Variants in GABRA3 observed in about 807,000 individuals in gnomAD.
GABRA3 encodes the protein gamma-aminobutyric acid type A receptor subunit alpha3.
A neutral mutation model predicts 30.1 loss-of-function variants in GABRA3; 10 were observed. The ratio of observed to expected loss-of-function variants is 0.33; its 90% CI spans 0.20 to 0.56. GABRA3 has a LOEUF of 0.56. Among genes scored for constraint, GABRA3 ranks in the 20% least tolerant of loss-of-function variants. GABRA3 has a pLI of 0.89. For synonymous variants in GABRA3, 151 were observed against 146.8 expected, an observed-to-expected ratio of 1.03 and a Z score of -0.21; for missense variants, 233 against 392.0, an observed-to-expected ratio of 0.59 and a Z score of 3.42.
chrX:152,421,120 C>T (rs1930361870), intron 1 of GABRA3, among the ~76,000 whole-genome samples: 1 of 109,304 alleles, frequency 9.1e-6, no homozygotes, highest in African/African-American at 3.3e-5. Context: ...CACACACACA[C>T]ACACACACAC....
At chrX:152,192,351 C>T (rs1321589450) in intron 8 of GABRA3, among the ~76,000 whole-genome samples, 1 of 111,783 alleles carries the variant, frequency 8.9e-6, no homozygotes. Context: ...TGTCCTCCCT[C>T]GTCTCCTTTG....
intron 4 of GABRA3, among the ~76,000 whole-genome samples, chrX:152,278,379 A>C (rs972238476): frequency 1.2e-4 from 13 of 108,671 alleles, no homozygotes; most frequent in South Asian, 8.3e-4. Flanking sequence ...TTGTCCTTGC[A>C]ATAGTTTGCT....
chrX:152,403,977 G>T (rs1186127515), intron 1 of GABRA3, among the ~76,000 whole-genome samples: 1 of 110,997 alleles, frequency 9.0e-6, no homozygotes, highest in Non-Finnish European at 1.9e-5. Context: ...TTGTGTTGGA[G>T]AACTCAAGCA....
chrX:152,199,892 A>G (rs754142499), intron 7 of GABRA3, among the ~76,000 whole-genome samples: 1 of 110,838 alleles, frequency 9.0e-6, no homozygotes, highest in South Asian at 3.9e-4. Flanking sequence ...CAACTCTTCC[A>G]GTTCTTTCTC....
At chrX:152,172,782 G>A (rs778773854) in intron 9 of GABRA3, among the ~76,000 whole-genome samples, 2 of 111,772 alleles carry the variant, frequency 1.8e-5, no homozygotes, top group Admixed American at 1.9e-4. Flanking sequence ...AATGGTGGGT[G>A]CTGGGGCTAG....
At chrX:152,185,552 T>C (rs1291929621) in intron 9 of GABRA3, among the ~76,000 whole-genome samples, 1 of 111,474 alleles carries the variant, frequency 9.0e-6, no homozygotes, top group Non-Finnish European at 1.9e-5. Context: ...TTATAAAACA[T>C]CATGGAAGCC....
intron 5 of GABRA3, among the ~76,000 whole-genome samples, chrX:152,236,653 C>A (rs1278333858): frequency 9.3e-6 from 1 of 107,933 alleles, no homozygotes; most frequent in Non-Finnish European, 1.9e-5. Context: ...TTGTCCAGCA[C>A]CTGTTGTTTC....
chrX:152,416,319 T>C (rs1262704052), intron 1 of GABRA3, among the ~76,000 whole-genome samples: 3 of 93,853 alleles, frequency 3.2e-5, no homozygotes, highest in Non-Finnish European at 4.3e-5. Context: ...TTACAAGGGA[T>C]GTGAAGGACC....
At chrX:152,367,315 G>A (rs956090789) in intron 1 of GABRA3, among the ~76,000 whole-genome samples, 1 of 111,601 alleles carries the variant, frequency 9.0e-6, no homozygotes, top group Non-Finnish European at 1.9e-5. Context: ...TGAAACAGGA[G>A]GAGACAACTC....
chrX:152,279,597 T>C (rs1480594238), intron 4 of GABRA3, among the ~76,000 whole-genome samples: 5 of 110,988 alleles, frequency 4.5e-5, no homozygotes, highest in Non-Finnish European at 7.6e-5. Context: ...AATGCGGGCT[T>C]TTTTTTGGTT....
chrX:152,362,482 A>G (rs1415887233), intron 2 of GABRA3, among the ~76,000 whole-genome samples: 1 of 111,609 alleles, frequency 9.0e-6, no homozygotes, highest in Non-Finnish European at 1.9e-5. Flanking sequence ...TTATAAAATC[A>G]TGTTAAAGAG....
intron 5 of GABRA3, among the ~76,000 whole-genome samples, chrX:152,246,060 C>T (rs1370660133): frequency 9.0e-6 from 1 of 111,481 alleles, no homozygotes; most frequent in Non-Finnish European, 1.9e-5. Context: ...AGACCGAGAC[C>T]CAGAGAAGAG....
rs1016782459 is a variant in GABRA3, at chrX:152,226,463, T to C, written c.552-1618A>G. On this transcript the variant is annotated intron_variant, in intron 5 of 9. Transcript: ENST00000370314. Reference sequence around the variant, plus strand: ...AACCTAGGTATTACCATTCAGGACATAGGCATGGGCAAGGACTTCATGTCT... The same window carrying C: ...AACCTAGGTATTACCATTCAGGACACAGGCATGGGCAAGGACTTCATGTCT... Among the ~76,000 whole-genome samples the C allele has an allele frequency of 2.7e-5, 3 of 111,519 alleles. No homozygotes were observed. In the Admixed American group the frequency reaches 2.9e-4, roughly 11 times the overall value.
intron 3 of GABRA3, among the ~76,000 whole-genome samples, chrX:152,302,168 A>T (rs944193303): frequency 2.7e-5 from 3 of 111,635 alleles, no homozygotes; most frequent in African/African-American, 9.8e-5. Context: ...AAAACAAATA[A>T]TAAGATGATG....
intron 1 of GABRA3, among the ~76,000 whole-genome samples, chrX:152,383,133 T>C: frequency 9.1e-6 from 1 of 109,387 alleles, no homozygotes; most frequent in African/African-American, 3.3e-5. Flanking sequence ...ACACCTGTAA[T>C]CCCAGCACTT....
At chrX:152,209,012 T>TCC (rs1937606956) in intron 6 of GABRA3, among the ~76,000 whole-genome samples, 1 of 112,016 alleles carries the variant, frequency 8.9e-6, no homozygotes, top group Non-Finnish European at 1.9e-5. Flanking sequence ...GTAGTACAAA[T>TCC]TCAATTAATT....
At chrX:152,182,727 G>C (rs956099822) in intron 9 of GABRA3, among the ~76,000 whole-genome samples, 6 of 4,241 alleles carry the variant, frequency 1.4e-3, no homozygotes, top group Non-Finnish European at 2.1e-3. Context: ...TATAGGTATA[G>C]TGTATATATA....
chrX:152,381,000 T>C (rs910780426), intron 1 of GABRA3, among the ~76,000 whole-genome samples: 4 of 111,525 alleles, frequency 3.6e-5, no homozygotes, highest in African/African-American at 1.3e-4. Flanking sequence ...GGATTGGTTC[T>C]TGGGGAAATA....
At chrX:152,407,628 T>C (rs1331801628) in intron 1 of GABRA3, among the ~76,000 whole-genome samples, 1 of 111,822 alleles carries the variant, frequency 8.9e-6, no homozygotes, top group Non-Finnish European at 1.9e-5. Flanking sequence ...ATGGCTTCAC[T>C]GCCGAATTCT....
Sources: allele counts gnomAD v4.1 joint callset (sites outside exome capture counted in the v4.1 genomes callset), GRCh38; gene constraint gnomAD v4.1.1; transcripts MANE v1.5; gene names NCBI Gene and HGNC (gene_info 2026-07-23, HGNC 2026-07-21).